RAPGEF4: variants seen among roughly 807,000 people sequenced by gnomAD.
RAPGEF4 encodes the protein Rap guanine nucleotide exchange factor 4, also known as RAP guanine-nucleotide-exchange factor (GEF) 4.
A neutral mutation model predicts 147.9 loss-of-function variants in RAPGEF4; 66 were observed. The observed-to-expected ratio is 0.45, with a 90% CI of 0.37 to 0.55. The LOEUF (loss-of-function observed/expected upper bound fraction) is 0.55, where lower values mean the gene tolerates loss of function less well. RAPGEF4 is among the 20% of genes least tolerant of loss of function. RAPGEF4 has a pLI of 0.00. For missense variants in RAPGEF4, 1,071 were observed against 1,257.3 expected, an observed-to-expected ratio of 0.85 and a Z score of 2.24; for synonymous variants, 419 against 442.7, an observed-to-expected ratio of 0.95 and a Z score of 0.67.
At position 173,036,215 on chromosome 2, in the gene RAPGEF4, A is replaced by C; in HGVS notation, c.2788+3A>C. 2 of 1,594,716 alleles carry C rather than the reference A, an allele frequency of 1.3e-6. No individual in the cohort carries two copies. Among genetic ancestry groups the C allele is most frequent in the Non-Finnish European group, 1.7e-6 (2 of 1,163,010 alleles). On this transcript the variant is annotated splice_donor_region_variant and intron_variant, in intron 28 of 30. Coordinates refer to ENST00000397081, the MANE Select transcript of RAPGEF4 (RefSeq NM_007023.4). ...CTTCATGCCTTTGCTCATTAAAGGT[A>C]ATCCTAATAAGATGCACAGGCCAAG...
In RAPGEF4 at chr2:172,806,015, CTGTGTGTGTGTG is replaced by C. The variant is rs36226317; in HGVS notation, c.298-8230_298-8219del. On this transcript the variant is annotated intron_variant, in intron 3 of 30. Transcript: ENST00000397081. The stretch of plus-strand genomic sequence containing the variant: ...TCTCATTGTATCAGATATTATCCGG[CTGTGTGTGTGTG>C]TGTGTGTGTGTGTGTGTGTGTGTGT... Among the ~76,000 whole-genome samples the C allele has an allele frequency of 3.6e-3, 516 of 145,340 alleles. 1 individual carries two copies. The highest frequency in any genetic ancestry group is 9.4e-3 in the African/African-American group (365 of 38,952).
chr2:172,919,394 C>T (rs1380930916), intron 5 of RAPGEF4, among the ~76,000 whole-genome samples: 1 of 152,144 alleles, frequency 6.6e-6, no homozygotes, highest in African/African-American at 2.4e-5. Flanking sequence ...CAGTGACCAA[C>T]CAATAACCAG....
intron 4 of RAPGEF4, among the ~76,000 whole-genome samples, chr2:172,822,827 A>G (rs1407259770): frequency 6.6e-6 from 1 of 152,102 alleles, no homozygotes; most frequent in Admixed American, 6.6e-5. Context: ...CTCCTCACCC[A>G]CTCAGCTAAG....
intron 17 of RAPGEF4, among the ~76,000 whole-genome samples, chr2:173,009,059 G>A (rs1229676192): frequency 2.0e-5 from 3 of 152,186 alleles, no homozygotes; most frequent in Admixed American, 2.0e-4. Flanking sequence ...GTTCAGTTCC[G>A]AGAAGATTTA....
At chr2:172,772,123 C>T (rs1683681254) in intron 1 of RAPGEF4, among the ~76,000 whole-genome samples, 1 of 151,972 alleles carries the variant, frequency 6.6e-6, no homozygotes. Context: ...CCTGTAGTCT[C>T]AGCTACTCGG....
intron 6 of RAPGEF4, among the ~76,000 whole-genome samples, chr2:172,930,052 T>G (rs1433152904): frequency 6.6e-6 from 1 of 151,574 alleles, no homozygotes; most frequent in African/African-American, 2.4e-5. Flanking sequence ...AGACACATAG[T>G]GGGGCTGTGA....
At chr2:172,746,139 T>C (rs1242597222) in intron 1 of RAPGEF4, among the ~76,000 whole-genome samples, 1 of 152,234 alleles carries the variant, frequency 6.6e-6, no homozygotes, top group Non-Finnish European at 1.5e-5. Context: ...TTCCAATAGA[T>C]ACCTGGAATC....
chr2:172,979,538 A>G (rs1225935368), intron 10 of RAPGEF4, among the ~76,000 whole-genome samples: 1 of 152,248 alleles, frequency 6.6e-6, no homozygotes, highest in African/African-American at 2.4e-5. Context: ...TCAGTTGAGC[A>G]ACTAGGAAGT....
chr2:172,840,148 AT>A (rs1391669866), intron 4 of RAPGEF4, among the ~76,000 whole-genome samples: 1 of 152,180 alleles, frequency 6.6e-6, no homozygotes, highest in Non-Finnish European at 1.5e-5. Flanking sequence ...CAAATTATTC[AT>A]TATATGGCTT....
intron 4 of RAPGEF4, among the ~76,000 whole-genome samples, chr2:172,868,980 C>T (rs59080171): frequency 0.028 from 4,272 of 152,254 alleles, 123 homozygotes; most frequent in East Asian, 0.11. Context: ...GCCATCCTCC[C>T]GCCTTGGCCT....
intron 4 of RAPGEF4, among the ~76,000 whole-genome samples, chr2:172,830,928 A>G (rs887258182): frequency 3.9e-5 from 6 of 152,218 alleles, no homozygotes; most frequent in Non-Finnish European, 5.9e-5. Flanking sequence ...TCTCTTCACC[A>G]GAAGCAACCA....
intron 30 of RAPGEF4, among the ~76,000 whole-genome samples, chr2:173,050,568 G>A (rs1269744242): frequency 2.0e-5 from 3 of 152,102 alleles, no homozygotes; most frequent in Admixed American, 6.5e-5. Context: ...CAGGAGCCAG[G>A]GTCTGGCTCT....
chr2:172,960,958 A>G, intron 7 of RAPGEF4, 145 bp downstream of exon 7: 2 of 869,994 alleles, frequency 2.3e-6, no homozygotes, highest in East Asian at 5.1e-5. Flanking sequence ...AGTTCTCAAC[A>G]TAAACCAGTG....
chr2:172,868,890 A>C (rs1694917909), intron 4 of RAPGEF4, among the ~76,000 whole-genome samples: 1 of 152,138 alleles, frequency 6.6e-6, no homozygotes, highest in Admixed American at 6.5e-5. Flanking sequence ...ATCATGGTGG[A>C]AGGTGAAGGG....
intron 17 of RAPGEF4, among the ~76,000 whole-genome samples, chr2:173,013,878 C>A (rs1001177960): frequency 1.3e-5 from 2 of 152,142 alleles, no homozygotes; most frequent in African/African-American, 4.8e-5. Flanking sequence ...GTCTGAGGCC[C>A]TCACCAGAGA....
chr2:173,022,683 C>T (rs982960493), intron 23 of RAPGEF4, among the ~76,000 whole-genome samples: 2 of 152,152 alleles, frequency 1.3e-5, no homozygotes, highest in East Asian at 3.9e-4. Context: ...ACCGCAGTTA[C>T]GCTAAAGCCA....
In RAPGEF4 at chr2:172,985,464, T is replaced by C; in HGVS notation, c.1121T>C (p.Phe374Ser). 1.2e-6 allele frequency: 2 copies of C among 1,614,030 alleles called. No individual in the cohort carries two copies. The highest frequency in any genetic ancestry group is 1.7e-6 in the Non-Finnish European group (2 of 1,179,960). Residue 374 changes from phenylalanine (F) to serine (S), a missense_variant, in exon 12 of 31, where the codon TTT becomes TCT. Phe to Ser is a radical substitution (Grantham distance 155, BLOSUM62 -2). Transcript: ENST00000397081. ...VKRELAGVLI[F>S]ESHAKGGTVL... ...CGAGAGTTAGCAGGTGTTCTCATTTTTGAGTCTCACGCCAAAGGAGGGACT... is the reference window on the plus strand; with the variant it reads ...CGAGAGTTAGCAGGTGTTCTCATTTCTGAGTCTCACGCCAAAGGAGGGACT...
In RAPGEF4 at chr2:172,990,908, C is replaced by T. The variant is rs1327036329; in HGVS notation, c.1473C>T (p.Asn491=). The change falls in exon 15 of 31, where the codon AAC becomes AAT. Residue 491 remains asparagine (N), a synonymous_variant. Transcript: ENST00000397081. Reference sequence around the variant, plus strand: ...GGAACAGAGCTTCTAATCAAGGAAACTCACAGCCTCAGCAAAAGTATGTTT... The same window carrying T: ...GGAACAGAGCTTCTAATCAAGGAAATTCACAGCCTCAGCAAAAGTATGTTT... ...PAGNRASNQG[N]SQPQQKYTVM... is the part of the protein sequence containing the mutation. 4 of 1,613,180 alleles carry T rather than the reference C, an allele frequency of 2.5e-6. No individual in the cohort carries two copies. Among genetic ancestry groups the T allele is most frequent in the Middle Eastern group, 1.6e-4 (1 of 6,062 alleles).
intron 1 of RAPGEF4, among the ~76,000 whole-genome samples, chr2:172,743,153 T>C (rs964044077): frequency 1.3e-5 from 2 of 151,930 alleles, no homozygotes; most frequent in Non-Finnish European, 2.9e-5. Context: ...TCAATGAGAG[T>C]GGGTTTTTCC....
Sources: allele counts gnomAD v4.1 joint callset (sites outside exome capture counted in the v4.1 genomes callset), GRCh38; gene constraint gnomAD v4.1.1; transcripts MANE v1.5; gene names NCBI Gene and HGNC (gene_info 2026-07-23, HGNC 2026-07-21).